Variants in VPS13B observed in about 807,000 individuals in gnomAD.
The protein encoded by VPS13B is intermembrane lipid transfer protein VPS13B.
In VPS13B, 285 loss-of-function variants were observed where a neutral mutation model predicts 426.4. The ratio of observed to expected loss-of-function variants is 0.67; its 90% CI spans 0.61 to 0.74. VPS13B has a LOEUF of 0.74. Ranked by LOEUF, VPS13B falls within the 30% of genes least tolerant of loss-of-function variation. The probability of loss-of-function intolerance (pLI) is 0.00; values close to 1 mark genes in which losing one functional copy is unlikely to be tolerated. For missense variants in VPS13B, 4,537 were observed against 4,782.6 expected (o/e 0.95, Z 1.51); for synonymous variants, 1,676 against 1,676.4 (o/e 1.00, Z 0.01).
chr8:99,687,635 C>T (rs1831472479), intron 35 of VPS13B, among the ~76,000 whole-genome samples: 1 of 151,862 alleles, frequency 6.6e-6, no homozygotes. Context: ...ATGCCAAGTC[C>T]CACAATCACT....
intron 20 of VPS13B, among the ~76,000 whole-genome samples, chr8:99,386,328 A>T (rs1256150665): frequency 6.6e-6 from 1 of 152,212 alleles, no homozygotes; most frequent in Admixed American, 6.5e-5. Context: ...CGTGCCCCTT[A>T]ATGATGGGGA....
intron 34 of VPS13B, among the ~76,000 whole-genome samples, chr8:99,660,167 G>A (rs1046511014): frequency 4.6e-5 from 7 of 152,162 alleles, no homozygotes; most frequent in African/African-American, 1.7e-4. Flanking sequence ...TAGATCTAAC[G>A]TCATGATCAA....
chr8:99,717,400 T>G lies in VPS13B; in HGVS notation c.6657+27T>G, dbSNP rs775870473. 3.1e-6 allele frequency: 5 copies of G among 1,591,684 alleles called. No individual in the cohort carries two copies. The Admixed American group carries it at 8.4e-5, about 27-fold the overall frequency. On this transcript the variant is annotated intron_variant, in intron 37 of 61. Transcript: ENST00000357162. ...TCTGTGGGTATTGGCCATATTTTTT[T>G]CATAGGTTATTAACTAGCCTCTGTT...
At chr8:99,565,397 A>G (rs1825131155) in intron 31 of VPS13B, among the ~76,000 whole-genome samples, 1 of 151,942 alleles carries the variant, frequency 6.6e-6, no homozygotes, top group Non-Finnish European at 1.5e-5. Flanking sequence ...GAATTTTAAA[A>G]ATTGTTGTTA....
intron 17 of VPS13B, chr8:99,241,133 A>C (rs1044283328): frequency 6.6e-6 from 1 of 152,252 alleles, no homozygotes; most frequent in Non-Finnish European, 1.5e-5. Context: ...CTGATTTTAC[A>C]CCAAATAAAG....
chr8:99,558,694 A>G (rs1206200569), intron 31 of VPS13B, among the ~76,000 whole-genome samples: 7 of 152,274 alleles, frequency 4.6e-5, no homozygotes, highest in East Asian at 1.9e-4. Context: ...TTTGCTCACA[A>G]TGATGGTTTC....
intron 61 of VPS13B, chr8:99,875,075 CCTT>C (rs1817629368): frequency 5.9e-6 from 2 of 336,834 alleles, no homozygotes; most frequent in African/African-American, 4.3e-5. Flanking sequence ...AGATTTTTCT[CCTT>C]TTTTCTTGGG....
At chr8:99,537,654 A>C (rs1235287641) in intron 30 of VPS13B, among the ~76,000 whole-genome samples, 1 of 152,174 alleles carries the variant, frequency 6.6e-6, no homozygotes, top group Non-Finnish European at 1.5e-5. Flanking sequence ...CTACTTTTAA[A>C]TGTGTCTGAT....
chr8:99,446,760 A>G (rs1817940334), intron 23 of VPS13B, among the ~76,000 whole-genome samples: 1 of 152,208 alleles, frequency 6.6e-6, no homozygotes, highest in Non-Finnish European at 1.5e-5. Context: ...ACAACTGGAT[A>G]CATTTTTGTC....
At chr8:99,030,096 T>C (rs1255906439) in intron 2 of VPS13B, among the ~76,000 whole-genome samples, 2 of 151,624 alleles carry the variant, frequency 1.3e-5, no homozygotes, top group Non-Finnish European at 2.9e-5. Flanking sequence ...TTTTATATGC[T>C]TTGTCTGTTC....
chr8:99,823,704 GA>G, intron 50 of VPS13B, 127 bp from the exon 51 acceptor site: 1 of 1,008,140 alleles, frequency 9.9e-7, no homozygotes, highest in South Asian at 1.4e-5. Flanking sequence ...ATATTCTGGG[GA>G]AAAACAAAGG....
chr8:99,821,650 CT>C (rs947824994), intron 50 of VPS13B, among the ~76,000 whole-genome samples, 168 bp downstream of exon 50: 2 of 152,044 alleles, frequency 1.3e-5, no homozygotes, highest in Admixed American at 6.5e-5. Flanking sequence ...TTTTACAGTG[CT>C]TTTTTTTCTT....
At chr8:99,232,384 G>A (rs143943530) in intron 17 of VPS13B, among the ~76,000 whole-genome samples, 1 of 152,154 alleles carries the variant, frequency 6.6e-6, no homozygotes, top group Non-Finnish European at 1.5e-5. Context: ...ATCCATAATT[G>A]CTGTGAGTGT....
In VPS13B at chr8:99,501,719, A is replaced by G. The variant is rs965046131; in HGVS notation, c.3903A>G (p.Pro1301=). 1 of 1,614,090 alleles carries G rather than the reference A, an allele frequency of 6.2e-7. No homozygotes were observed. The highest frequency in any genetic ancestry group is 1.6e-4 in the Middle Eastern group (1 of 6,062). The part of the protein sequence containing the change: ...GDSIQAGEES[P]FSDSVTLEQT... ...CTATACAAGCAGGTGAGGAATCACC[A>G]TTCTCAGATTCTGTGACCTTGGAAC... Residue 1301 remains proline (P), a synonymous_variant, in exon 26 of 62, where the codon CCA becomes CCG. Coordinates refer to ENST00000357162, the MANE Select transcript of VPS13B (RefSeq NM_152564.5).
intron 13 of VPS13B, among the ~76,000 whole-genome samples, chr8:99,145,534 G>T (rs544213122): frequency 4.8e-4 from 73 of 152,132 alleles, no homozygotes; most frequent in African/African-American, 1.6e-3. Context: ...CTAAAATTTT[G>T]TCATTTCAAC....
At chr8:99,253,997 A>G (rs80177532) in intron 17 of VPS13B, among the ~76,000 whole-genome samples, 1 of 152,310 alleles carries the variant, frequency 6.6e-6, no homozygotes, top group East Asian at 1.9e-4. Flanking sequence ...TATAGAATCT[A>G]TACTTGCTCT....
intron 15 of VPS13B, among the ~76,000 whole-genome samples, chr8:99,169,768 A>G (rs901128857): frequency 6.6e-6 from 1 of 152,046 alleles, no homozygotes; most frequent in African/African-American, 2.4e-5. Context: ...AGGAGTATGT[A>G]TAGAAATAAA....
intron 8 of VPS13B, among the ~76,000 whole-genome samples, chr8:99,127,432 T>C (rs1848232507): frequency 6.6e-6 from 1 of 152,182 alleles, no homozygotes; most frequent in Admixed American, 6.5e-5. Context: ...TTTGCAGTTG[T>C]GCACCCCCAC....
chr8:99,328,908 A>T (rs1408882692), intron 19 of VPS13B, among the ~76,000 whole-genome samples: 1 of 152,070 alleles, frequency 6.6e-6, no homozygotes, highest in African/African-American at 2.4e-5. Context: ...TTAGATTAAA[A>T]ATCTTTGTAA....
Sources: gnomAD v4.1 joint callset for allele counts (sites outside exome capture counted in the v4.1 genomes callset) on GRCh38, gnomAD v4.1.1 for gene constraint, MANE v1.5 for transcripts, NCBI Gene and HGNC (gene_info 2026-07-23, HGNC 2026-07-21) for gene names.